Variants in MID2 observed in about 807,000 individuals in gnomAD.
MID2 encodes probable E3 ubiquitin-protein ligase MID2.
MID2 carries 13 observed loss-of-function variants against 46.1 expected under a neutral mutation model. The ratio of observed to expected loss-of-function variants is 0.28; its 90% CI spans 0.18 to 0.45. The LOEUF is 0.45. MID2 is among the 20% of genes least tolerant of loss of function. The pLI, the probability that MID2 is intolerant of heterozygous loss-of-function variation, is 1.00. For synonymous variants in MID2, 199 were observed against 212.3 expected (o/e 0.94, Z 0.55); for missense variants, 431 against 575.4 (o/e 0.75, Z 2.57).
At chrX:107,867,317 A>AT (rs1262960692) in intron 3 of MID2, among the ~76,000 whole-genome samples, 962 of 94,381 alleles carry the variant, frequency 0.01, 5 homozygotes, top group South Asian at 0.017. Flanking sequence ...CGCCCAGCTA[A>AT]TTTTTTTTTT....
At chrX:107,919,088 A>G (rs988767464) in intron 7 of MID2, among the ~76,000 whole-genome samples, 5 of 110,157 alleles carry the variant, frequency 4.5e-5, no homozygotes, top group Admixed American at 9.7e-5. Flanking sequence ...TTCTAACAAA[A>G]CAACCCATTT....
chrX:107,906,164 A>G (rs183527018), intron 5 of MID2, among the ~76,000 whole-genome samples: 1 of 111,894 alleles, frequency 8.9e-6, no homozygotes, highest in Non-Finnish European at 1.9e-5. Context: ...GATCCTTAGA[A>G]GCCCATCCAT....
intron 4 of MID2, among the ~76,000 whole-genome samples, chrX:107,904,954 A>G (rs1932823944): frequency 8.9e-6 from 1 of 112,115 alleles, no homozygotes; most frequent in South Asian, 3.8e-4. Flanking sequence ...AAAGTTTCCA[A>G]GAATACAGAT....
chrX:107,844,308 G>A (rs948109022), intron 2 of MID2, among the ~76,000 whole-genome samples: 24 of 111,240 alleles, frequency 2.2e-4, no homozygotes, highest in Non-Finnish European at 1.7e-4. Flanking sequence ...GGGTTGAGAC[G>A]CAGGACACAT....
intron 3 of MID2, among the ~76,000 whole-genome samples, chrX:107,874,397 G>A (rs1164469497): frequency 8.9e-6 from 1 of 112,681 alleles, no homozygotes; most frequent in Non-Finnish European, 1.9e-5. Context: ...GGTTAACTTA[G>A]TAGCCTTTGG....
Position 107,926,084 on chromosome X carries a change from T to G in MID2, c.1598-10T>G. The G allele has an allele frequency of 8.6e-7, 1 of 1,163,466 alleles. No homozygotes were observed. Among genetic ancestry groups the G allele is most frequent in the African/African-American group, 1.8e-5 (1 of 55,042 alleles). On this transcript the variant is annotated splice_polypyrimidine_tract_variant and intron_variant, in intron 8 of 9. Coordinates refer to ENST00000262843, the MANE Select transcript of MID2 (RefSeq NM_012216.4). Reference sequence around the variant, plus strand: ...GCTTTTTCTTTTTTTTTTTTCTACTTATTTTTCAGGCCAACCCTTTAAATT... The same window carrying G: ...GCTTTTTCTTTTTTTTTTTTCTACTGATTTTTCAGGCCAACCCTTTAAATT...
intron 3 of MID2, among the ~76,000 whole-genome samples, chrX:107,886,545 G>A (rs996118627): frequency 1.8e-5 from 2 of 111,634 alleles, no homozygotes; most frequent in Non-Finnish European, 3.8e-5. Flanking sequence ...ATAGTTTGAC[G>A]TCAGGTAGCG....
intron 3 of MID2, among the ~76,000 whole-genome samples, chrX:107,897,266 C>T (rs1331624087): frequency 9.0e-6 from 1 of 111,422 alleles, no homozygotes; most frequent in African/African-American, 3.3e-5. Context: ...GCCAATCTCC[C>T]AGCTACCTCT....
chrX:107,849,477 GA>G (rs530854850), intron 2 of MID2, among the ~76,000 whole-genome samples: 233 of 103,159 alleles, frequency 2.3e-3, no homozygotes, highest in South Asian at 0.013. Context: ...CTAGAGAAGT[GA>G]AAAAAAAAAA....
intron 3 of MID2, among the ~76,000 whole-genome samples, chrX:107,876,717 G>A (rs1264984008): frequency 8.9e-6 from 1 of 112,072 alleles, no homozygotes; most frequent in Non-Finnish European, 1.9e-5. Context: ...CTCAGTGTTA[G>A]GGTTTGATTC....
At chrX:107,872,648 A>G (rs1932100226) in intron 3 of MID2, among the ~76,000 whole-genome samples, 1 of 111,689 alleles carries the variant, frequency 9.0e-6, no homozygotes, top group Non-Finnish European at 1.9e-5. Context: ...AAAGAAGTAT[A>G]ATCCCTCCCA....
chrX:107,884,684 A>AAAAAAC (rs1556370491), intron 3 of MID2, among the ~76,000 whole-genome samples: 2 of 108,599 alleles, frequency 1.8e-5, no homozygotes, highest in African/African-American at 7.2e-5. Context: ...CAAAGAGACC[A>AAAAAAC]AAAACAAAAC....
At chrX:107,925,771 A>G (rs1273385592) in intron 8 of MID2, among the ~76,000 whole-genome samples, 2 of 111,428 alleles carry the variant, frequency 1.8e-5, no homozygotes, top group Non-Finnish European at 3.8e-5. Context: ...GATGTGGGGG[A>G]CAGCTTATTA....
chrX:107,912,729 A>G (rs920789875), intron 5 of MID2, among the ~76,000 whole-genome samples: 1 of 110,728 alleles, frequency 9.0e-6, no homozygotes, highest in African/African-American at 3.3e-5. Flanking sequence ...ATGATTCCCA[A>G]CTCTTTATCT....
At position 107,926,121 on chromosome X, in the gene MID2, T is replaced by C. The variant is rs781042513; in HGVS notation, c.1625T>C (p.Met542Thr). 1 of 1,206,928 alleles carries C rather than the reference T, an allele frequency of 8.3e-7. No individual in the cohort carries two copies. The highest frequency in any genetic ancestry group is 1.1e-6 in the Non-Finnish European group (1 of 892,376). ...NSQPFKLDPKMTHKKLKISND... is the reference protein window; with the variant it reads ...NSQPFKLDPKTTHKKLKISND... The stretch of plus-strand genomic sequence containing the variant: ...CAACCCTTTAAATTGGATCCCAAAA[T>C]GACTCACAAGAAGTTGAAGATCTCC... Residue 542 changes from methionine to threonine, a missense_variant, in exon 9 of 10, where the codon ATG (methionine) becomes ACG (threonine). Transcript: ENST00000262843.
rs988643349 is a variant in MID2 at position 107,931,181 on chromosome X, G to T, written c.*4108G>T. Reference sequence around the variant, plus strand: ...TACCAAGATGGAGCAATCCACGGATGGACTTTTGAATAAACTCAAATATTT... The same window carrying T: ...TACCAAGATGGAGCAATCCACGGATTGACTTTTGAATAAACTCAAATATTT... On this transcript the variant is annotated 3_prime_UTR_variant, in exon 10 of 10. Transcript: ENST00000262843. Among the ~76,000 whole-genome samples the T allele has an allele frequency of 1.8e-5, 2 of 112,227 alleles. No homozygotes were observed. Among genetic ancestry groups the T allele is most frequent in the Non-Finnish European group, 3.8e-5 (2 of 53,204 alleles).
intron 1 of MID2, among the ~76,000 whole-genome samples, chrX:107,827,792 T>A (rs146701604): frequency 0.038 from 3,760 of 98,871 alleles, 197 homozygotes; most frequent in African/African-American, 0.13. Context: ...ATGACTGTAC[T>A]GAGGGAGAAA....
intron 5 of MID2, 22 bp downstream of exon 5, chrX:107,905,648 GA>G (rs747802398): frequency 1.7e-6 from 2 of 1,150,566 alleles, no homozygotes; most frequent in Non-Finnish European, 2.3e-6. Flanking sequence ...ATATTCTTTG[GA>G]AATGCCTGCT....
Position 107,929,256 on chromosome X carries a change from G to T in MID2, c.*2183G>T, listed in dbSNP as rs1413231127. On this transcript the variant is annotated 3_prime_UTR_variant, in exon 10 of 10. Coordinates refer to ENST00000262843, the MANE Select transcript of MID2 (RefSeq NM_012216.4). ...TCTCCTTCATTTCTCAGTCACCTTT[G>T]TCTCTTCCCTAGGGCATATCCCCAA... Among the ~76,000 whole-genome samples the T allele has an allele frequency of 9.0e-6, 1 of 110,565 alleles. No homozygotes were observed. Among genetic ancestry groups the T allele is most frequent in the Non-Finnish European group, 1.9e-5 (1 of 52,728 alleles).
Sources: allele counts gnomAD v4.1 joint callset (sites outside exome capture counted in the v4.1 genomes callset), GRCh38; gene constraint gnomAD v4.1.1; transcripts MANE v1.5; gene names NCBI Gene and HGNC (gene_info 2026-07-23, HGNC 2026-07-21).